ADK: variants seen among roughly 807,000 people sequenced by gnomAD.
The protein encoded by ADK is N6,N6-dimethyladenosine kinase.
In ADK, 24 loss-of-function variants were observed where a neutral mutation model predicts 44.7. The observed-to-expected ratio is 0.54, with a 90% CI of 0.39 to 0.76. The LOEUF (loss-of-function observed/expected upper bound fraction) is 0.76, where lower values mean the gene tolerates loss of function less well. ADK is among the 30% of genes least tolerant of loss of function. The pLI is 0.00. For synonymous variants in ADK, 128 were observed against 142.6 expected (o/e 0.90, Z 0.73); for missense variants, 321 against 425.1 (o/e 0.76, Z 2.15).
At chr10:74,263,250 T>C (rs1210251463) in intron 3 of ADK, among the ~76,000 whole-genome samples, 4 of 152,196 alleles carry the variant, frequency 2.6e-5, no homozygotes, top group African/African-American at 9.6e-5. Flanking sequence ...ATAGAAAACA[T>C]TTTTAGTGAC....
intron 10 of ADK, among the ~76,000 whole-genome samples, chr10:74,698,667 C>T (rs1056579494): frequency 5.9e-5 from 9 of 152,074 alleles, no homozygotes; most frequent in Non-Finnish European, 1.2e-4. Flanking sequence ...ATCCTCCCAC[C>T]TCAGCCTCCT....
At chr10:74,288,737 T>C (rs950830788) in intron 3 of ADK, among the ~76,000 whole-genome samples, 26 of 152,240 alleles carry the variant, frequency 1.7e-4, no homozygotes, top group Admixed American at 1.3e-3. Flanking sequence ...TTATAAACTT[T>C]TAAAATATTT....
intron 3 of ADK, among the ~76,000 whole-genome samples, chr10:74,268,694 G>A (rs1846308309): frequency 6.6e-6 from 1 of 152,276 alleles, no homozygotes; most frequent in Non-Finnish European, 1.5e-5. Flanking sequence ...CACAGATGTT[G>A]TAGAATGATC....
rs61866071 is a variant in ADK, at chr10:74,325,947, C to T, written c.273+11202C>T. ...ACCTCCTGGATTCAAGTGATTCTTC[C>T]GCCTCAGCCTCCCTAGTAGCTGGGA... On this transcript the variant is annotated intron_variant, in intron 4 of 10. Coordinates refer to ENST00000539909, the MANE Select transcript of ADK (RefSeq NM_006721.4). Among the ~76,000 whole-genome samples, 438 of 151,932 alleles carry T rather than the reference C, an allele frequency of 2.9e-3. 2 individuals carry two copies. Among genetic ancestry groups the T allele is most frequent in the Non-Finnish European group, 4.3e-3 (295 of 67,934 alleles).
At chr10:74,433,399 G>A (rs928888872) in intron 6 of ADK, among the ~76,000 whole-genome samples, 1 of 152,186 alleles carries the variant, frequency 6.6e-6, no homozygotes, top group East Asian at 1.9e-4. Flanking sequence ...TGAAGATTCT[G>A]CTGAGGGCTG....
intron 8 of ADK, among the ~76,000 whole-genome samples, chr10:74,590,404 A>G (rs910846108): frequency 1.3e-5 from 2 of 152,122 alleles, no homozygotes; most frequent in Admixed American, 6.6e-5. Flanking sequence ...CTCTTTTTAA[A>G]TGTAGTAAAG....
In ADK at chr10:74,537,808, C is replaced by G. The variant is rs542021798; in HGVS notation, c.726+12382C>G. 3.9e-5 allele frequency among the ~76,000 whole-genome samples: 6 copies of G among 152,224 alleles called. No individual in the cohort carries two copies. The South Asian group carries it at 1.2e-3, about 32-fold the overall frequency. The stretch of plus-strand genomic sequence containing the variant: ...CAGTGAAAAGTCAAATCACCCATAC[C>G]ATGCACTTTAAGATAGTTTCAATAA... On this transcript the variant is annotated intron_variant, in intron 7 of 10. Transcript: ENST00000539909.
chr10:74,371,904 G>T lies in ADK; in HGVS notation c.274-22237G>T, dbSNP rs987877351. ...CTTCCAAGAGCCACGGCTTCTTGTG[G>T]TTACTGACCCCAGGGCTGACCACCA... On this transcript the variant is annotated intron_variant, in intron 4 of 10. Coordinates refer to ENST00000539909, the MANE Select transcript of ADK (RefSeq NM_006721.4). 27 of 1,469,986 alleles carry T rather than the reference G, an allele frequency of 1.8e-5. No homozygotes were observed. The African/African-American group carries it at 2.9e-4, about 16-fold the overall frequency. 91.1% of individuals were successfully genotyped at this position (1,469,986 alleles called of 1,614,324 possible).
intron 6 of ADK, among the ~76,000 whole-genome samples, chr10:74,426,503 A>G (rs773584490): frequency 6.6e-6 from 1 of 152,180 alleles, no homozygotes; most frequent in Non-Finnish European, 1.5e-5. Context: ...ACAAATACCC[A>G]TAGTGCTACT....
intron 10 of ADK, among the ~76,000 whole-genome samples, chr10:74,702,524 T>TTTCCTTCTTTCCTTCC (rs1554900284): frequency 1.3e-4 from 16 of 120,886 alleles, no homozygotes; most frequent in African/African-American, 5.1e-4. Context: ...TCCTTCCTTC[T>TTTCCTTCTTTCCTTCC]TTCCTTCCTT....
intron 4 of ADK, chr10:74,371,597 A>G (rs1842659810): frequency 1.7e-6 from 2 of 1,155,046 alleles, no homozygotes; most frequent in Non-Finnish European, 2.6e-6. Context: ...TCCTTGCAGC[A>G]GGAACCTGCT....
intron 2 of ADK, among the ~76,000 whole-genome samples, chr10:74,219,054 A>G (rs199795773): frequency 0.5 from 76,017 of 151,530 alleles, 20,147 homozygotes; most frequent in Non-Finnish European, 0.59. Context: ...AAATGCTCCA[A>G]TTAAAAGACA....
At chr10:74,386,990 G>A (rs561528617) in intron 4 of ADK, among the ~76,000 whole-genome samples, 4 of 151,558 alleles carry the variant, frequency 2.6e-5, no homozygotes, top group East Asian at 1.9e-4. Context: ...AGGCTGTAGC[G>A]CAGTGGCGGG....
chr10:74,313,200 C>T (rs2131800243), intron 3 of ADK, among the ~76,000 whole-genome samples: 1 of 152,006 alleles, frequency 6.6e-6, no homozygotes, highest in East Asian at 1.9e-4. Flanking sequence ...GAGTCTTCTC[C>T]ATGAAAGGGA....
intron 6 of ADK, among the ~76,000 whole-genome samples, chr10:74,503,739 A>C (rs1201098805): frequency 6.6e-6 from 1 of 152,200 alleles, no homozygotes; most frequent in East Asian, 1.9e-4. Flanking sequence ...TGGAAGGTTT[A>C]AGTTGATGGA....
In ADK at chr10:74,258,461, A is replaced by G. The variant is rs549424586; in HGVS notation, c.194+33870A>G. On this transcript the variant is annotated intron_variant, in intron 3 of 10. Coordinates refer to ENST00000539909, the MANE Select transcript of ADK (RefSeq NM_006721.4). ...TTGCTTCTATTTTCTCTCTTATAGT[A>G]TAAATTATCTGTAATAAGCCACCTT... Among the ~76,000 whole-genome samples, 3 of 152,282 alleles carry G rather than the reference A, an allele frequency of 2.0e-5. No homozygotes were observed. The East Asian group carries it at 5.8e-4, about 29-fold the overall frequency.
At chr10:74,622,602 T>C (rs776005389) in intron 9 of ADK, among the ~76,000 whole-genome samples, 92 of 152,216 alleles carry the variant, frequency 6.0e-4, no homozygotes, top group Non-Finnish European at 1.5e-4. Context: ...TAAGGAATAC[T>C]GTTTTTAGGA....
intron 9 of ADK, chr10:74,655,993 C>T: frequency 1.5e-6 from 1 of 664,964 alleles, no homozygotes; most frequent in Non-Finnish European, 2.8e-6. Flanking sequence ...ACCATGGGAA[C>T]CGCCTGCTCT....
intron 1 of ADK, among the ~76,000 whole-genome samples, chr10:74,179,123 A>C (rs115966198): frequency 0.013 from 1,940 of 152,312 alleles, 49 homozygotes; most frequent in African/African-American, 0.044. Flanking sequence ...GAACACAACT[A>C]CTGGGTGTTG....
Sources: allele counts gnomAD v4.1 joint callset (sites outside exome capture counted in the v4.1 genomes callset), GRCh38; gene constraint gnomAD v4.1.1; transcripts MANE v1.5; gene names NCBI Gene and HGNC (gene_info 2026-07-23, HGNC 2026-07-21).